RHOA: variants seen among roughly 807,000 people sequenced by gnomAD.
RHOA encodes transforming protein RhoA.
In RHOA, 3 loss-of-function variants were observed where a neutral mutation model predicts 17.5. That is an observed-to-expected ratio of 0.17 (90% CI 0.08 to 0.44). The LOEUF is 0.44. RHOA is among the 20% of genes least tolerant of loss of function. The probability of loss-of-function intolerance (pLI) is 0.99; values close to 1 mark genes in which losing one functional copy is unlikely to be tolerated. For synonymous variants in RHOA, 98 were observed against 88.4 expected, an observed-to-expected ratio of 1.11 and a Z score of -0.61; for missense variants, 56 against 242.3, an observed-to-expected ratio of 0.23 and a Z score of 5.10.
At chr3:49,398,652 C>T (rs1432599908) in intron 1 of RHOA, among the ~76,000 whole-genome samples, 3 of 149,666 alleles carry the variant, frequency 2.0e-5, no homozygotes, top group Non-Finnish European at 1.5e-5. Context: ...CATGAAACCC[C>T]GTCTCTACTA....
At chr3:49,386,694 T>C (rs765360628) in intron 1 of RHOA, among the ~76,000 whole-genome samples, 2 of 152,204 alleles carry the variant, frequency 1.3e-5, no homozygotes, top group Non-Finnish European at 2.9e-5. Flanking sequence ...ACTCGATTAA[T>C]TAATATGCAA....
intron 2 of RHOA, among the ~76,000 whole-genome samples, chr3:49,371,816 C>A (rs2048151248): frequency 6.6e-6 from 1 of 152,188 alleles, no homozygotes; most frequent in Non-Finnish European, 1.5e-5. Context: ...GGTTTTAAGT[C>A]AAGGTCTCTA....
chr3:49,359,870 G>C lies in RHOA; in HGVS notation c.*339C>G. ...GACAGATAATAGGCAGGACATGTTA[G>C]TTATAAAGTAGTTACAGCCTAATTC... On this transcript the variant is annotated 3_prime_UTR_variant, in exon 5 of 5. Transcript: ENST00000418115. 1 of 289,912 alleles carries C rather than the reference G, an allele frequency of 3.4e-6. No individual in the cohort carries two copies. Among genetic ancestry groups the C allele is most frequent in the African/African-American group, 2.1e-5 (1 of 46,644 alleles). The allele number at this position is 289,912 out of a possible 1,614,324, so 18.0% of individuals were successfully genotyped here. A position where few individuals can be genotyped will look rare whatever the true frequency, so the allele number is the denominator to read the frequency against.
rs72554687 is a variant in RHOA at position 49,359,207 on chromosome 3, T to G, written c.*1002A>C. ...AATTAACTGGTACAGAAAAAAAGTT[T>G]AGTCAGCTGGAGAGAAGAGAGACTG... is the stretch of plus-strand genomic sequence containing the variant. On this transcript the variant is annotated 3_prime_UTR_variant, in exon 5 of 5. Coordinates refer to ENST00000418115, the MANE Select transcript of RHOA (RefSeq NM_001664.4). 3 of 188,526 alleles carry G rather than the reference T, an allele frequency of 1.6e-5. No homozygotes were observed. In the East Asian group the frequency reaches 2.6e-4, roughly 16 times the overall value. The allele number at this position is 188,526 out of a possible 1,614,324, so 11.7% of individuals were successfully genotyped here.
chr3:49,403,707 G>C (rs930533545), intron 1 of RHOA, among the ~76,000 whole-genome samples: 2 of 152,032 alleles, frequency 1.3e-5, no homozygotes, highest in Admixed American at 1.3e-4. Context: ...CTGGGTGACA[G>C]AACAAGGCCC....
At chr3:49,410,276 ATTTAC>A (rs1460037991) in intron 1 of RHOA, among the ~76,000 whole-genome samples, 1 of 152,164 alleles carries the variant, frequency 6.6e-6, no homozygotes, top group Non-Finnish European at 1.5e-5. Flanking sequence ...ACCTTGGGAA[ATTTAC>A]TTAAGTCTCT....
At chr3:49,364,637 G>A (rs1004458563) in intron 3 of RHOA, among the ~76,000 whole-genome samples, 3 of 151,576 alleles carry the variant, frequency 2.0e-5, no homozygotes, top group Non-Finnish European at 4.4e-5. Flanking sequence ...CTCCAGCCTG[G>A]GCGACAGAGC....
chr3:49,389,607 GT>G lies in RHOA; in HGVS notation c.-2-14017del, dbSNP rs2048461467. On this transcript the variant is annotated intron_variant, in intron 1 of 4. Coordinates refer to ENST00000418115, the MANE Select transcript of RHOA (RefSeq NM_001664.4). ...AGCAGTGAACAGACTCAGGAGCTCTGTTCTGTCCAGAATTCCAATAGCTAAC... is the reference window on the plus strand; with the variant it reads ...AGCAGTGAACAGACTCAGGAGCTCTGTCTGTCCAGAATTCCAATAGCTAAC... Among the ~76,000 whole-genome samples, 15 of 152,234 alleles carry G rather than the reference GT, an allele frequency of 9.9e-5. No homozygotes were observed. The South Asian group carries it at 2.9e-3, about 30-fold the overall frequency.
intron 3 of RHOA, 30 bp downstream of exon 3, chr3:49,368,398 T>C (rs1265172554): frequency 1.9e-6 from 3 of 1,599,142 alleles, no homozygotes; most frequent in Non-Finnish European, 2.6e-6. Flanking sequence ...ACACAGGCAG[T>C]GACAAATATC....
At chr3:49,383,936 A>G (rs1415792211) in intron 1 of RHOA, among the ~76,000 whole-genome samples, 1 of 152,156 alleles carries the variant, frequency 6.6e-6, no homozygotes, top group Non-Finnish European at 1.5e-5. Context: ...AGGCTGAGGC[A>G]CGAGAATCAC....
At chr3:49,370,039 C>T (rs1238779696) in intron 2 of RHOA, among the ~76,000 whole-genome samples, 1 of 151,276 alleles carries the variant, frequency 6.6e-6, no homozygotes, top group Non-Finnish European at 1.5e-5. Context: ...GCTGAGATTG[C>T]ACCACTGCAC....
Position 49,362,523 on chromosome 3 carries a change from T to C in RHOA, c.381A>G (p.Thr127=). 2 of 1,613,252 alleles carry C rather than the reference T, an allele frequency of 1.2e-6. No homozygotes were observed. The highest frequency in any genetic ancestry group is 2.2e-5 in the South Asian group (2 of 90,900). ...NKKDLRNDEH[T]RRELAKMKQE... The stretch of plus-strand genomic sequence containing the variant: ...GCTTCATCTTGGCTAGCTCCCGCCT[T>C]GTGTGCTCATCATTCCGAAGATCCT... The change falls in exon 4 of 5, where the codon ACA becomes ACG. Residue 127 remains threonine (T), a synonymous_variant. Transcript: ENST00000418115.
At chr3:49,401,558 CAAAA>C (rs5848878) in intron 1 of RHOA, among the ~76,000 whole-genome samples, 2 of 131,916 alleles carry the variant, frequency 1.5e-5, no homozygotes, top group Non-Finnish European at 1.6e-5. Context: ...AACTCTGTCT[CAAAA>C]AAAAAAAAAA....
At chr3:49,398,221 C>T (rs564883358) in intron 1 of RHOA, among the ~76,000 whole-genome samples, 2 of 127,602 alleles carry the variant, frequency 1.6e-5, no homozygotes, top group East Asian at 2.0e-4. Context: ...TGTGGTGGCG[C>T]GCTCCTGTGG....
At chr3:49,360,502 C>T (rs890374576) in intron 4 of RHOA, 120 bp from the exon 5 acceptor site, 19 of 1,097,922 alleles carry the variant, frequency 1.7e-5, no homozygotes, top group African/African-American at 8.0e-5. Context: ...TTTTGCTCGT[C>T]GGTCGCCCAG....
At chr3:49,393,587 T>C (rs1180541544) in intron 1 of RHOA, among the ~76,000 whole-genome samples, 2 of 138,202 alleles carry the variant, frequency 1.4e-5, no homozygotes, top group South Asian at 2.4e-4. Context: ...TGTAGGCCAC[T>C]GCACTGGCTT....
At chr3:49,392,321 T>C (rs1022058322) in intron 1 of RHOA, among the ~76,000 whole-genome samples, 4 of 151,146 alleles carry the variant, frequency 2.6e-5, no homozygotes, top group Admixed American at 2.0e-4. Flanking sequence ...TCCCAGCTAC[T>C]GGGTGGGTAA....
intron 1 of RHOA, among the ~76,000 whole-genome samples, chr3:49,404,458 A>ACACACACACACAC (rs10527314): frequency 1.2e-4 from 17 of 146,770 alleles, no homozygotes; most frequent in East Asian, 6.2e-4. Flanking sequence ...ACACACACAC[A>ACACACACACACAC]AAATTAGCCG....
At chr3:49,379,182 A>G (rs2048278845) in intron 1 of RHOA, among the ~76,000 whole-genome samples, 1 of 152,204 alleles carries the variant, frequency 6.6e-6, no homozygotes, top group South Asian at 2.1e-4. Flanking sequence ...CATACAATGG[A>G]ATGGAATATT....
Sources: allele counts gnomAD v4.1 joint callset (sites outside exome capture counted in the v4.1 genomes callset), GRCh38; gene constraint gnomAD v4.1.1; transcripts MANE v1.5; gene names NCBI Gene and HGNC (gene_info 2026-07-23, HGNC 2026-07-21).